IKZF2: variants seen among roughly 807,000 people sequenced by gnomAD.
The protein encoded by IKZF2 is zinc finger protein Helios.
Under a neutral mutation model 49.2 loss-of-function variants are expected in IKZF2, and 15 were observed. The observed-to-expected ratio is 0.30, with a 90% CI of 0.20 to 0.47. IKZF2 has a LOEUF of 0.47. Ranked by LOEUF, IKZF2 falls within the 20% of genes least tolerant of loss-of-function variation. The probability of loss-of-function intolerance (pLI) is 1.00; values close to 1 mark genes in which losing one functional copy is unlikely to be tolerated. For synonymous variants in IKZF2, 227 were observed against 221.4 expected (o/e 1.03, Z -0.23); for missense variants, 567 against 664.6 (o/e 0.85, Z 1.61).
intron 6 of IKZF2, 39 bp downstream of exon 6, chr2:213,049,674 C>A: frequency 6.8e-7 from 1 of 1,480,292 alleles, no homozygotes; most frequent in South Asian, 1.4e-5. Context: ...CTAAGTTTTC[C>A]TGTTTTACTT....
chr2:213,015,601 G>A (rs1349000672), intron 7 of IKZF2, among the ~76,000 whole-genome samples: 1 of 152,002 alleles, frequency 6.6e-6, no homozygotes, highest in Non-Finnish European at 1.5e-5. Context: ...TGGTGTGGTG[G>A]AGAACCAGGT....
Position 213,151,477 on chromosome 2 carries a change from CTCTG to C in IKZF2, c.-188_-185del, listed in dbSNP as rs1019368103. The C allele has an allele frequency of 6.6e-6, 1 of 152,634 alleles. No homozygotes were observed. Among genetic ancestry groups the C allele is most frequent in the Non-Finnish European group, 1.5e-5 (1 of 68,076 alleles). The allele number at this position is 152,634 out of a possible 1,614,324, so 9.5% of individuals were successfully genotyped here. A position where few individuals can be genotyped will look rare whatever the true frequency, so the allele number is the denominator to read the frequency against. On this transcript the variant is annotated 5_prime_UTR_variant, in exon 1 of 9. Coordinates refer to ENST00000434687, the MANE Select transcript of IKZF2 (RefSeq NM_001387220.1). ...TGTTTGTGTTTACTGTTAATGTGTC[CTCTG>C]TCTTTCTTTCTTTCCTGTGCCTAAC...
intron 4 of IKZF2, among the ~76,000 whole-genome samples, chr2:213,074,298 G>T (rs1282027288): frequency 1.3e-5 from 2 of 152,166 alleles, no homozygotes; most frequent in Non-Finnish European, 2.9e-5. Flanking sequence ...CACAAATCTA[G>T]ATAGGATAGC....
chr2:213,097,720 A>G (rs1706182998), intron 4 of IKZF2, among the ~76,000 whole-genome samples: 1 of 152,144 alleles, frequency 6.6e-6, no homozygotes, highest in Non-Finnish European at 1.5e-5. Flanking sequence ...AGCACACGGA[A>G]GTGTTCAATA....
intron 4 of IKZF2, among the ~76,000 whole-genome samples, chr2:213,085,746 A>C (rs1017677165): frequency 1.3e-5 from 2 of 152,114 alleles, no homozygotes; most frequent in Non-Finnish European, 2.9e-5. Flanking sequence ...CAATGCATGC[A>C]CTCTATTTAA....
intron 4 of IKZF2, among the ~76,000 whole-genome samples, chr2:213,086,085 T>C (rs1184794738): frequency 6.6e-6 from 1 of 152,204 alleles, no homozygotes; most frequent in African/African-American, 2.4e-5. Flanking sequence ...AACTGCTTAG[T>C]ATAGGAATCA....
chr2:213,150,921 A>ATTTT (rs2061264455), intron 1 of IKZF2, among the ~76,000 whole-genome samples: 1 of 146,956 alleles, frequency 6.8e-6, no homozygotes, highest in African/African-American at 2.5e-5. Context: ...TTTTTTTTTA[A>ATTTT]TTCCAACAGG....
intron 4 of IKZF2, among the ~76,000 whole-genome samples, chr2:213,084,711 G>T (rs1704371591): frequency 6.6e-6 from 1 of 151,944 alleles, no homozygotes; most frequent in African/African-American, 2.4e-5. Context: ...TTTTACACAT[G>T]AAAAAATATT....
Position 213,007,317 on chromosome 2 carries a change from G to A in IKZF2, c.*43C>T. ...TTGTAAGTGCAGTATTTCTTCATGT[G>A]CAGTTCTTTACTTCATAGGGGTCCC... On this transcript the variant is annotated 3_prime_UTR_variant, in exon 9 of 9. Coordinates refer to ENST00000434687, the MANE Select transcript of IKZF2 (RefSeq NM_001387220.1). 2 of 1,575,642 alleles carry A rather than the reference G, an allele frequency of 1.3e-6. No individual in the cohort carries two copies. The highest frequency in any genetic ancestry group is 1.7e-6 in the Non-Finnish European group (2 of 1,160,878).
chr2:213,015,297 T>C (rs913622559), intron 7 of IKZF2: 1 of 152,106 alleles, frequency 6.6e-6, no homozygotes, highest in African/African-American at 2.4e-5. Context: ...AGAAGTCCTC[T>C]GGCTATGAAT....
At chr2:213,033,788 G>T (rs531196629) in intron 6 of IKZF2, among the ~76,000 whole-genome samples, 5 of 152,276 alleles carry the variant, frequency 3.3e-5, no homozygotes, top group African/African-American at 1.2e-4. Context: ...TTTTGGAATG[G>T]TCAATGAGCA....
At chr2:213,139,567 G>GTC (rs1467426557) in intron 4 of IKZF2, among the ~76,000 whole-genome samples, 1 of 151,840 alleles carries the variant, frequency 6.6e-6, no homozygotes, top group Non-Finnish European at 1.5e-5. Context: ...ATGTGTGTGT[G>GTC]TGTGTGCTTT....
chr2:213,105,128 T>A (rs952074016), intron 4 of IKZF2, among the ~76,000 whole-genome samples: 4 of 152,154 alleles, frequency 2.6e-5, no homozygotes, highest in African/African-American at 7.2e-5. Context: ...CCTTAATGCT[T>A]TGACTGCTTC....
chr2:213,008,214 A>T, intron 8 of IKZF2, 130 bp from the exon 9 acceptor site: 1 of 1,111,998 alleles, frequency 9.0e-7, no homozygotes, highest in Non-Finnish European at 1.2e-6. Context: ...GGTATATATT[A>T]CTCTATAAGT....
chr2:213,110,609 A>G (rs2059675081), intron 4 of IKZF2, among the ~76,000 whole-genome samples: 2 of 152,018 alleles, frequency 1.3e-5, no homozygotes. Flanking sequence ...TTTTGATATG[A>G]AAAACAATGC....
chr2:213,032,794 G>T (rs966355272), intron 6 of IKZF2, among the ~76,000 whole-genome samples: 3 of 152,186 alleles, frequency 2.0e-5, no homozygotes, highest in Non-Finnish European at 4.4e-5. Context: ...GGAGGAGGGT[G>T]TTGCCTTGAT....
intron 4 of IKZF2, among the ~76,000 whole-genome samples, chr2:213,065,613 T>G (rs114350148): frequency 6.6e-6 from 1 of 152,086 alleles, no homozygotes; most frequent in South Asian, 2.1e-4. Context: ...GTGCGTTATA[T>G]ATATCAACTG....
rs1177664712 is a variant in IKZF2 at position 213,007,840 on chromosome 2, G to A, written c.1101C>T (p.Pro367=). 1 of 1,613,532 alleles carries A rather than the reference G, an allele frequency of 6.2e-7. No homozygotes were observed. The highest frequency in any genetic ancestry group is 1.7e-5 in the Admixed American group (1 of 59,908). ...GACTATCAGCAGTTTCCCTGCTAAT[G>A]GGTCTTTCTATCCTATTTGGATGAT... The part of the protein sequence containing the change: ...QVYHPNRIER[P]ISRETADSHE... The change falls in exon 9 of 9, where the codon CCC becomes CCT. Residue 367 remains proline, a synonymous_variant. Transcript: ENST00000434687.
Position 213,007,250 on chromosome 2 carries a change from A to T in IKZF2, c.*110T>A, listed in dbSNP as rs960072189. ...AAGAATTATCAACAGTAATAATATTAAAAAAAATAAAAGGTATGTCAACAT... is the reference window on the plus strand; with the variant it reads ...AAGAATTATCAACAGTAATAATATTTAAAAAAATAAAAGGTATGTCAACAT... On this transcript the variant is annotated 3_prime_UTR_variant, in exon 9 of 9. Coordinates refer to ENST00000434687, the MANE Select transcript of IKZF2 (RefSeq NM_001387220.1). 2.5e-5 allele frequency: 29 copies of T among 1,151,586 alleles called. No individual in the cohort carries two copies. In the African/African-American group the frequency reaches 2.7e-4, roughly 11 times the overall value. The allele number at this position is 1,151,586 out of a possible 1,614,324, so 71.3% of individuals were successfully genotyped here. A position where few individuals can be genotyped will look rare whatever the true frequency, so the allele number is the denominator to read the frequency against.
Sources: gnomAD v4.1 joint callset for allele counts (sites outside exome capture counted in the v4.1 genomes callset) on GRCh38, gnomAD v4.1.1 for gene constraint, MANE v1.5 for transcripts, NCBI Gene and HGNC (gene_info 2026-07-23, HGNC 2026-07-21) for gene names.